The following MCC variants were observed in gnomAD, a reference collection of about 807,000 sequenced individuals.
MCC encodes the protein MCC regulator of Wnt signaling pathway.
In MCC, 90 loss-of-function variants were observed where a neutral mutation model predicts 116.2. That is an observed-to-expected ratio of 0.77 (90% CI 0.65 to 0.92). The LOEUF (loss-of-function observed/expected upper bound fraction) is 0.92. Among genes scored for constraint, MCC ranks in the 40% least tolerant of loss-of-function variants. MCC has a pLI of 0.00. For missense variants in MCC, 1,516 were observed against 1,312.2 expected (o/e 1.16, Z -2.40); for synonymous variants, 578 against 510.5 (o/e 1.13, Z -1.78).
intron 13 of MCC, among the ~76,000 whole-genome samples, chr5:113,067,669 C>T (rs1753717785): frequency 6.6e-6 from 1 of 152,166 alleles, no homozygotes; most frequent in Non-Finnish European, 1.5e-5. Context: ...AACTACTACT[C>T]AAAGAGGTAA....
intron 3 of MCC, among the ~76,000 whole-genome samples, chr5:113,187,351 C>T (rs568449254): frequency 3.3e-4 from 51 of 152,240 alleles, no homozygotes; most frequent in African/African-American, 5.3e-4. Flanking sequence ...TCAAGCAATC[C>T]GCCTGCCTCG....
intron 5 of MCC, among the ~76,000 whole-genome samples, chr5:113,137,710 G>C (rs946792272): frequency 2.0e-5 from 3 of 152,106 alleles, no homozygotes; most frequent in Non-Finnish European, 2.9e-5. Flanking sequence ...GGTAACAGAA[G>C]CAACAACTTT....
intron 3 of MCC, among the ~76,000 whole-genome samples, chr5:113,232,887 T>C (rs560448156): frequency 1.3e-5 from 2 of 152,310 alleles, no homozygotes; most frequent in South Asian, 4.1e-4. Context: ...CCTTAAATTC[T>C]GTCTTCTCAA....
chr5:113,222,613 C>T (rs1763592641), intron 3 of MCC, among the ~76,000 whole-genome samples: 1 of 152,134 alleles, frequency 6.6e-6, no homozygotes, highest in Non-Finnish European at 1.5e-5. Context: ...GATAAAAATA[C>T]ATTTGTAATG....
chr5:113,370,680 TA>T (rs2150388697), intron 2 of MCC, among the ~76,000 whole-genome samples: 1 of 152,332 alleles, frequency 6.6e-6, no homozygotes, highest in African/African-American at 2.4e-5. Context: ...AAAAATCACT[TA>T]AAATTTAGTC....
At chr5:113,416,831 CA>C (rs1202139383) in intron 1 of MCC, among the ~76,000 whole-genome samples, 1 of 151,906 alleles carries the variant, frequency 6.6e-6, no homozygotes, top group East Asian at 1.9e-4. Context: ...ACATTTTTGA[CA>C]ATTAAAATAA....
At chr5:113,327,559 A>AAG in intron 3 of MCC, among the ~76,000 whole-genome samples, 1 of 81,068 alleles carries the variant, frequency 1.2e-5, no homozygotes, top group Admixed American at 1.1e-4. Context: ...AAAAAAAAAA[A>AAG]AAATATATAT....
At chr5:113,042,838 C>T (rs1333501219) in intron 17 of MCC, among the ~76,000 whole-genome samples, 2 of 151,340 alleles carry the variant, frequency 1.3e-5, no homozygotes, top group African/African-American at 2.4e-5. Context: ...ATAATGTAGA[C>T]ATATTATGTT....
At chr5:113,249,360 T>C (rs1434876000) in intron 3 of MCC, among the ~76,000 whole-genome samples, 1 of 152,164 alleles carries the variant, frequency 6.6e-6, no homozygotes, top group Non-Finnish European at 1.5e-5. Context: ...ATGAGGACAG[T>C]GAGACTTACC....
rs546545396 is a variant in MCC at position 113,088,944 on chromosome 5, C to T, written c.1399-3634G>A. On this transcript the variant is annotated intron_variant, in intron 8 of 18. Coordinates refer to ENST00000408903, the MANE Select transcript of MCC (RefSeq NM_001085377.2). ...GACTACAGGGGCATGCCACTGCACA[C>T]GGCTATTTTTATTGAAGGAATTATG... is the stretch of plus-strand genomic sequence containing the variant. 1.1e-4 allele frequency among the ~76,000 whole-genome samples: 17 copies of T among 152,206 alleles called. No homozygotes were observed. In the East Asian group the frequency reaches 1.2e-3, roughly 10 times the overall value.
chr5:113,413,035 G>T (rs1297933602), intron 1 of MCC, among the ~76,000 whole-genome samples: 1 of 152,150 alleles, frequency 6.6e-6, no homozygotes, highest in African/African-American at 2.4e-5. Context: ...TAAGCATGTG[G>T]TTTTTGTCGT....
intron 3 of MCC, among the ~76,000 whole-genome samples, chr5:113,291,189 C>G (rs1055626073): frequency 1.3e-5 from 2 of 152,130 alleles, no homozygotes; most frequent in African/African-American, 4.8e-5. Context: ...AGTACACATG[C>G]AAAACACCTC....
chr5:113,484,247 A>G (rs348961), intron 1 of MCC, among the ~76,000 whole-genome samples: 1 of 151,996 alleles, frequency 6.6e-6, no homozygotes, highest in East Asian at 1.9e-4. Flanking sequence ...ACCTATGGAA[A>G]AAATCTGCAC....
At chr5:113,321,379 A>T (rs1184347332) in intron 3 of MCC, among the ~76,000 whole-genome samples, 1 of 152,208 alleles carries the variant, frequency 6.6e-6, no homozygotes, top group East Asian at 1.9e-4. Context: ...TGGAACCTGA[A>T]GCAACTGGTT....
intron 5 of MCC, among the ~76,000 whole-genome samples, chr5:113,126,653 A>G (rs1451590140): frequency 6.6e-6 from 1 of 152,226 alleles, no homozygotes; most frequent in Non-Finnish European, 1.5e-5. Flanking sequence ...TGCAAAAGTA[A>G]TTGCAGTTTT....
intron 3 of MCC, among the ~76,000 whole-genome samples, chr5:113,191,324 A>G (rs201815490): frequency 5.3e-5 from 8 of 152,094 alleles, no homozygotes; most frequent in East Asian, 1.9e-4. Context: ...CTCTTCTTCT[A>G]TCTCTTCATA....
chr5:113,229,198 A>G (rs1763853299), intron 3 of MCC, among the ~76,000 whole-genome samples: 13 of 152,144 alleles, frequency 8.5e-5, no homozygotes, highest in Admixed American at 8.5e-4. Context: ...ATCGGCAGAG[A>G]CGAAGAAGGG....
chr5:113,191,254 A>AT, intron 3 of MCC, among the ~76,000 whole-genome samples: 1 of 151,868 alleles, frequency 6.6e-6, no homozygotes, highest in East Asian at 1.9e-4. Context: ...AGTACTCCAC[A>AT]TTTTTCTGAC....
At chr5:113,199,966 T>C (rs1303358015) in intron 3 of MCC, among the ~76,000 whole-genome samples, 1 of 150,858 alleles carries the variant, frequency 6.6e-6, no homozygotes, top group East Asian at 1.9e-4. Flanking sequence ...TATGGGTATC[T>C]GAAACAGAAT....
Sources: allele counts gnomAD v4.1 joint callset (sites outside exome capture counted in the v4.1 genomes callset), GRCh38; gene constraint gnomAD v4.1.1; transcripts MANE v1.5; gene names NCBI Gene and HGNC (gene_info 2026-07-23, HGNC 2026-07-21).